The following LIME1 variants were observed in gnomAD, a reference collection of about 807,000 sequenced individuals.
The protein encoded by LIME1 is lck-interacting transmembrane adapter 1.
In LIME1, 23 loss-of-function variants were observed where a neutral mutation model predicts 18.8. The ratio of observed to expected loss-of-function variants is 1.22; its 90% CI spans 0.88 to 1.73. The LOEUF (loss-of-function observed/expected upper bound fraction) is 1.73. Among genes scored for constraint, LIME1 ranks in the 40% most tolerant of loss-of-function variants. The probability of loss-of-function intolerance (pLI) is 0.00; values close to 1 mark genes in which losing one functional copy is unlikely to be tolerated. For synonymous variants in LIME1, 177 were observed against 182.3 expected (o/e 0.97, Z 0.23); for missense variants, 423 against 396.8 (o/e 1.07, Z -0.56).
In LIME1 at chr20:63,737,981, G is replaced by A. The variant is rs1359495170; in HGVS notation, c.189G>A (p.Leu63=). ...GSATAAEASL[L]RRTHLCSLSK... ...GCCTTCCTCGCCCCCAGTCCCTACT[G>A]AGGCGGACCCACCTCTGCTCCCTCA... The change falls in exon 4 of 6, where the codon CTG becomes CTA. Residue 63 remains leucine (L), a synonymous_variant. Coordinates refer to ENST00000309546, the MANE Select transcript of LIME1 (RefSeq NM_017806.4). The A allele has an allele frequency of 1.3e-6, 2 of 1,571,866 alleles. No individual in the cohort carries two copies. Among genetic ancestry groups the A allele is most frequent in the Admixed American group, 3.6e-5 (2 of 55,966 alleles).
chr20:63,738,175 A>C lies in LIME1; in HGVS notation c.269-8A>C. 1 of 1,557,294 alleles carries C rather than the reference A, an allele frequency of 6.4e-7. No individual in the cohort carries two copies. The highest frequency in any genetic ancestry group is 8.6e-7 in the Non-Finnish European group (1 of 1,156,764). On this transcript the variant is annotated splice_polypyrimidine_tract_variant and splice_region_variant and intron_variant, in intron 4 of 5. Coordinates refer to ENST00000309546, the MANE Select transcript of LIME1 (RefSeq NM_017806.4). The stretch of plus-strand genomic sequence containing the variant: ...CCGGAGTGAACTCTGCCCTGACCCC[A>C]CCCCCAGCCCTGCGGCCTGCCAGCA...
chr20:63,738,256 G>A lies in LIME1; in HGVS notation c.342G>A (p.Gln114=). 1 of 1,589,082 alleles carries A rather than the reference G, an allele frequency of 6.3e-7. No individual in the cohort carries two copies. Among genetic ancestry groups the A allele is most frequent in the Non-Finnish European group, 8.5e-7 (1 of 1,172,830 alleles). ...LEVSRDITGP[Q]AAPSAFPHQE... ...TGTCCAGGGACATCACCGGACCGCA[G>A]GCAGCCCCCTCTGCCTTCCCACACC... The change falls in exon 5 of 6, where the codon CAG becomes CAA. Residue 114 remains glutamine, a synonymous_variant. Transcript: ENST00000309546.
intron 1 of LIME1, chr20:63,737,282 T>TA: frequency 8.0e-7 from 1 of 1,246,084 alleles, no homozygotes; most frequent in Non-Finnish European, 1.0e-6. Context: ...TGCTGGGTGT[T>TA]ACCGTGGTCA....
At chr20:63,737,483 G>T in intron 1 of LIME1, 50 bp from the exon 2 acceptor site, 1 of 1,407,518 alleles carries the variant, frequency 7.1e-7, no homozygotes, top group East Asian at 2.9e-5. Context: ...CTGCCAGGTG[G>T]CGCCAGGTCC....
chr20:63,738,482 G>A lies in LIME1; in HGVS notation c.568G>A (p.Val190Met). 6.6e-7 allele frequency: 1 copy of A among 1,518,830 alleles called. No homozygotes were observed. The highest frequency in any genetic ancestry group is 8.8e-7 in the Non-Finnish European group (1 of 1,133,994). The allele number at this position is 1,518,830 out of a possible 1,614,324, so 94.1% of individuals were successfully genotyped here. A position where few individuals can be genotyped will look rare whatever the true frequency, so the allele number is the denominator to read the frequency against. ...PQEPQQGKTE[V>M]TPAAQVDVLY... ...AGAGCCACAGCAGGGGAAGACTGAGGTGACCCCGGCCGCTCAGGTAACGTG... is the reference window on the plus strand; with the variant it reads ...AGAGCCACAGCAGGGGAAGACTGAGATGACCCCGGCCGCTCAGGTAACGTG... The change falls in exon 5 of 6, where the codon GTG becomes ATG. Residue 190 changes from valine (V) to methionine (M), a missense_variant. Physicochemically the swap from Val to Met is conservative, Grantham distance 21 (BLOSUM62 1). Transcript: ENST00000309546.
At position 63,738,913 on chromosome 20, in the gene LIME1, C is replaced by A. The variant is rs1342324968; in HGVS notation, c.*13C>A. ...CTCCCTGCCCTGAACACTCAAGGAC[C>A]TGTGCTCCTTCCTCCAGAGTGAGGC... is the stretch of plus-strand genomic sequence containing the variant. On this transcript the variant is annotated 3_prime_UTR_variant, in exon 6 of 6. Coordinates refer to ENST00000309546, the MANE Select transcript of LIME1 (RefSeq NM_017806.4). 6.4e-7 allele frequency: 1 copy of A among 1,555,462 alleles called. No individual in the cohort carries two copies. The highest frequency in any genetic ancestry group is 1.9e-5 in the Admixed American group (1 of 51,468).
Position 63,737,524 on chromosome 20 carries a change from T to A in LIME1, c.-17-9T>A. The A allele has an allele frequency of 6.7e-7, 1 of 1,491,502 alleles. No individual in the cohort carries two copies. Among genetic ancestry groups the A allele is most frequent in the Non-Finnish European group, 8.9e-7 (1 of 1,123,238 alleles). The allele number at this position is 1,491,502 out of a possible 1,614,324, so 92.4% of individuals were successfully genotyped here. On this transcript the variant is annotated splice_polypyrimidine_tract_variant and intron_variant, in intron 1 of 5. Transcript: ENST00000309546. ...GCCAGCCCCCAGCGCCCCTTTCTTCTGTCCCCAGGGCCTCGGCTTCACAGG... is the reference window on the plus strand; with the variant it reads ...GCCAGCCCCCAGCGCCCCTTTCTTCAGTCCCCAGGGCCTCGGCTTCACAGG...
chr20:63,735,805 G>T, upstream of LIME1: 2 of 1,610,378 alleles, frequency 1.2e-6, no homozygotes, highest in Non-Finnish European at 8.5e-7. Flanking sequence ...CAGCCCAGCT[G>T]CAGGAGAAGC....
chr20:63,735,894 C>T (rs968109304), upstream of LIME1: 5 of 1,612,680 alleles, frequency 3.1e-6, no homozygotes, highest in Non-Finnish European at 4.2e-6. Context: ...AAGGCAGACA[C>T]CCACAAGAAG....
At chr20:63,736,846 A>AC (rs2091995157) in intron 1 of LIME1, 134 bp downstream of exon 1, 1 of 986,256 alleles carries the variant, frequency 1.0e-6, no homozygotes, top group South Asian at 4.7e-5. Flanking sequence ...ACCACCCCTC[A>AC]CCCCCCAGCT....
At chr20:63,738,085 G>A (rs1321968140) in intron 4 of LIME1, 25 bp downstream of exon 4, 1 of 1,525,330 alleles carries the variant, frequency 6.6e-7, no homozygotes, top group East Asian at 2.4e-5. Flanking sequence ...GGGCGGGGGC[G>A]GCCGGGCGGG....
At position 63,739,021 on chromosome 20, in the gene LIME1, C is replaced by A; in HGVS notation, c.*121C>A. On this transcript the variant is annotated 3_prime_UTR_variant, in exon 6 of 6. Transcript: ENST00000309546. Reference sequence around the variant, plus strand: ...TGCCAGCCCGTGAGGTCCGTGAGGTCCTGGCCGCTCTGACAGCCGCGGCCT... The same window carrying A: ...TGCCAGCCCGTGAGGTCCGTGAGGTACTGGCCGCTCTGACAGCCGCGGCCT... 4 of 896,600 alleles carry A rather than the reference C, an allele frequency of 4.5e-6. No individual in the cohort carries two copies. The highest frequency in any genetic ancestry group is 6.5e-6 in the Non-Finnish European group (4 of 616,510). The allele number at this position is 896,600 out of a possible 1,614,324, so 55.5% of individuals were successfully genotyped here.
chr20:63,736,126 A>T (rs2091988185), upstream of LIME1: 1 of 684,948 alleles, frequency 1.5e-6, no homozygotes, highest in African/African-American at 1.8e-5. Context: ...CATTAAAGTG[A>T]TTTCATCACA....
At chr20:63,738,088 C>T (rs1396268311) in intron 4 of LIME1, 28 bp downstream of exon 4, 8 of 705,966 alleles carry the variant, frequency 1.1e-5, no homozygotes, top group African/African-American at 1.1e-4. Context: ...CGGGGGCGGC[C>T]GGGCGGGGCT....
upstream of LIME1, chr20:63,736,493 A>T (rs2091991469): frequency 2.4e-6 from 1 of 412,300 alleles, no homozygotes; most frequent in Admixed American, 5.9e-5. Flanking sequence ...GGCTGTCAGA[A>T]CAGTGCGGGC....
intron 2 of LIME1, 74 bp from the exon 3 acceptor site, chr20:63,737,747 G>A (rs1377606706): frequency 5.4e-5 from 77 of 1,416,046 alleles, no homozygotes; most frequent in Non-Finnish European, 6.5e-5. Flanking sequence ...ACCCAGCTCG[G>A]CACGCGCGCC....
intron 4 of LIME1, 57 bp downstream of exon 4, chr20:63,738,117 A>G: frequency 6.6e-7 from 1 of 1,523,726 alleles, no homozygotes; most frequent in Non-Finnish European, 8.8e-7. Context: ...AGCGCGTGCC[A>G]ACCCCTGGGC....
chr20:63,737,788 C>A, intron 2 of LIME1, 33 bp from the exon 3 acceptor site: 2 of 973,944 alleles, frequency 2.1e-6, no homozygotes, highest in Non-Finnish European at 2.9e-6. Context: ...AGGCTGACGA[C>A]CCCGCCCCCC....
intron 1 of LIME1, 29 bp downstream of exon 1, chr20:63,736,741 G>T: frequency 1.0e-6 from 1 of 985,796 alleles, no homozygotes; most frequent in Non-Finnish European, 1.2e-6. Flanking sequence ...GGCAGCTGGG[G>T]TCTGGGAGGC....
Sources: allele counts gnomAD v4.1 joint callset, GRCh38; gene constraint gnomAD v4.1.1; transcripts MANE v1.5; gene names NCBI Gene and HGNC (gene_info 2026-07-23, HGNC 2026-07-21).